PSEN1: variants seen among roughly 807,000 people sequenced by gnomAD.
The protein encoded by PSEN1 is presenilin 1.
PSEN1 carries 15 observed loss-of-function variants against 53.5 expected under a neutral mutation model. The observed-to-expected ratio is 0.28, with a 90% CI of 0.19 to 0.43. The LOEUF (loss-of-function observed/expected upper bound fraction) is 0.43. Among genes scored for constraint, PSEN1 ranks in the 20% least tolerant of loss-of-function variants. The pLI, the probability that PSEN1 is intolerant of heterozygous loss-of-function variation, is 1.00. For missense variants in PSEN1, 387 were observed against 571.2 expected (o/e 0.68, Z 3.29); for synonymous variants, 208 against 209.8 (o/e 0.99, Z 0.08).
chr14:73,196,081 GTT>G (rs1180414932), intron 7 of PSEN1, among the ~76,000 whole-genome samples: 2 of 152,106 alleles, frequency 1.3e-5, no homozygotes, highest in Admixed American at 6.6e-5. Context: ...TGTACCCAAT[GTT>G]TAGAGTAGTG....
chr14:73,193,259 A>G (rs1316859181), intron 7 of PSEN1, among the ~76,000 whole-genome samples: 2 of 152,134 alleles, frequency 1.3e-5, no homozygotes, highest in East Asian at 1.9e-4. Flanking sequence ...GCAGTGAGCC[A>G]TGATTGCATC....
intron 3 of PSEN1, among the ~76,000 whole-genome samples, chr14:73,164,124 G>A (rs998938967): frequency 3.9e-5 from 6 of 152,168 alleles, no homozygotes; most frequent in African/African-American, 1.4e-4. Flanking sequence ...AGAATTTGCT[G>A]GCTGACTAGA....
At chr14:73,208,995 G>A (rs28532025) in intron 9 of PSEN1, 11,916 of 412,038 alleles carry the variant, frequency 0.029, 355 homozygotes, top group African/African-American at 0.1. Context: ...AAGGTGGCAG[G>A]GGGCTGGCAT....
intron 10 of PSEN1, among the ~76,000 whole-genome samples, chr14:73,214,779 G>A (rs1164560965): frequency 6.6e-6 from 1 of 152,074 alleles, no homozygotes; most frequent in East Asian, 1.9e-4. Context: ...AGGGGTTAAG[G>A]GGAGGGGAAA....
In PSEN1 at chr14:73,141,651, G is replaced by C. The variant is rs568227981; in HGVS notation, c.-136+5068G>C. Among the ~76,000 whole-genome samples, 5 of 152,250 alleles carry C rather than the reference G, an allele frequency of 3.3e-5. No individual in the cohort carries two copies. In the South Asian group the frequency reaches 1.0e-3, roughly 32 times the overall value. ...AATACAAAAATTAGCTGGGCATGGT[G>C]GTGGGCGTCTGTAATCCTAGCTACT... On this transcript the variant is annotated intron_variant, in intron 1 of 11. Coordinates refer to ENST00000324501, the MANE Select transcript of PSEN1 (RefSeq NM_000021.4).
intron 6 of PSEN1, 100 bp from the exon 7 acceptor site, chr14:73,192,544 G>T: frequency 2.4e-6 from 2 of 817,320 alleles, no homozygotes; most frequent in Admixed American, 1.8e-5. Context: ...ATAAAGGTGG[G>T]ATATTAATAT....
At chr14:73,165,458 TG>T in intron 3 of PSEN1, among the ~76,000 whole-genome samples, 1 of 152,094 alleles carries the variant, frequency 6.6e-6, no homozygotes, top group African/African-American at 2.4e-5. Context: ...TTGAAGGTAG[TG>T]TCTGGGCTGG....
At chr14:73,150,529 C>T (rs933790696) in intron 3 of PSEN1, among the ~76,000 whole-genome samples, 3 of 151,582 alleles carry the variant, frequency 2.0e-5, no homozygotes, top group African/African-American at 4.9e-5. Flanking sequence ...TTTGGGAGGC[C>T]GAGGCTGGTG....
chr14:73,160,005 G>T, intron 3 of PSEN1: 1 of 215,284 alleles, frequency 4.6e-6, no homozygotes, highest in South Asian at 4.8e-5. Context: ...TAATTTTTTT[G>T]TAGAGACGAG....
At chr14:73,167,856 A>G (rs1196268830) in intron 3 of PSEN1, 1 of 144,192 alleles carries the variant, frequency 6.9e-6, no homozygotes, top group Non-Finnish European at 1.5e-5. Context: ...TGCTTCGAAG[A>G]ATGATTGCCT....
chr14:73,213,516 C>T (rs1369379106), intron 10 of PSEN1, among the ~76,000 whole-genome samples: 1 of 152,198 alleles, frequency 6.6e-6, no homozygotes. Flanking sequence ...GCTTCATCAT[C>T]TTAGCATTCA....
In PSEN1 at chr14:73,177,165, A is replaced by G. The variant is rs369675790; in HGVS notation, c.480+3458A>G. ...GATGATGGACTTTTTCGTCTCTCCCATTACTTCTTGGGAAATTATATTTTA... is the reference window on the plus strand; with the variant it reads ...GATGATGGACTTTTTCGTCTCTCCCGTTACTTCTTGGGAAATTATATTTTA... On this transcript the variant is annotated intron_variant, in intron 5 of 11. Transcript: ENST00000324501. Among the ~76,000 whole-genome samples, 3 of 152,120 alleles carry G rather than the reference A, an allele frequency of 2.0e-5. No homozygotes were observed. The South Asian group carries it at 6.2e-4, about 31-fold the overall frequency.
chr14:73,211,177 G>A (rs557139255), intron 9 of PSEN1, among the ~76,000 whole-genome samples: 2 of 152,310 alleles, frequency 1.3e-5, no homozygotes, highest in African/African-American at 2.4e-5. Context: ...GTAGGCATTT[G>A]AAATTTGTAG....
intron 6 of PSEN1, among the ~76,000 whole-genome samples, chr14:73,190,253 C>T (rs1276893555): frequency 1.3e-5 from 2 of 151,572 alleles, no homozygotes; most frequent in Non-Finnish European, 2.9e-5. Flanking sequence ...TTTGGGAGGC[C>T]GAGGTGGGAG....
chr14:73,141,795 C>T (rs540911355), intron 1 of PSEN1, among the ~76,000 whole-genome samples: 9 of 150,908 alleles, frequency 6.0e-5, no homozygotes, highest in Non-Finnish European at 7.4e-5. Flanking sequence ...TGGCCGGGTG[C>T]CGTGGCTCAC....
intron 9 of PSEN1, among the ~76,000 whole-genome samples, chr14:73,210,821 T>A (rs1899647285): frequency 1.3e-5 from 2 of 152,190 alleles, no homozygotes; most frequent in South Asian, 4.1e-4. Context: ...GCTCTGAACA[T>A]GTATTACTTT....
intron 4 of PSEN1, among the ~76,000 whole-genome samples, 169 bp downstream of exon 4, chr14:73,171,216 T>C (rs1468264069): frequency 6.6e-6 from 1 of 152,214 alleles, no homozygotes; most frequent in Non-Finnish European, 1.5e-5. Context: ...TTACTTCATG[T>C]TTTAAGTGGA....
At chr14:73,212,177 C>G (rs1236522219) in intron 10 of PSEN1, among the ~76,000 whole-genome samples, 2 of 121,164 alleles carry the variant, frequency 1.7e-5, no homozygotes, top group African/African-American at 6.1e-5. Flanking sequence ...ATGGTGCGAT[C>G]TTGGCTCACT....
At chr14:73,203,679 G>A (rs1300828250) in intron 8 of PSEN1, among the ~76,000 whole-genome samples, 2 of 151,960 alleles carry the variant, frequency 1.3e-5, no homozygotes, top group Non-Finnish European at 2.9e-5. Context: ...TACTTCTGTC[G>A]TTTGACAGAA....
Sources: gnomAD v4.1 joint callset for allele counts (sites outside exome capture counted in the v4.1 genomes callset) on GRCh38, gnomAD v4.1.1 for gene constraint, MANE v1.5 for transcripts, NCBI Gene and HGNC (gene_info 2026-07-23, HGNC 2026-07-21) for gene names.